Variants in MAST2 observed in about 807,000 individuals in gnomAD.
MAST2 encodes microtubule-associated serine/threonine-protein kinase 2.
Under a neutral mutation model 147.4 loss-of-function variants are expected in MAST2, and 70 were observed. That is an observed-to-expected ratio of 0.47 (90% CI 0.39 to 0.58). The LOEUF (loss-of-function observed/expected upper bound fraction) is 0.58. Among genes scored for constraint, MAST2 ranks in the 20% least tolerant of loss-of-function variants. The pLI, the probability that MAST2 is intolerant of heterozygous loss-of-function variation, is 0.00. For synonymous variants in MAST2, 869 were observed against 896.8 expected (o/e 0.97, Z 0.55); for missense variants, 2,080 against 2,302.3 (o/e 0.90, Z 1.98).
chr1:45,947,398 T>G (rs578041668), intron 4 of MAST2, among the ~76,000 whole-genome samples: 2 of 151,998 alleles, frequency 1.3e-5, no homozygotes, highest in South Asian at 2.1e-4. Context: ...AAAGCTGTCC[T>G]GGACTGCATG....
Position 46,029,978 on chromosome 1 carries a change from G to A in MAST2, c.2443+25G>A, listed in dbSNP as rs760837391. On this transcript the variant is annotated intron_variant, in intron 20 of 28. Transcript: ENST00000361297. Reference sequence around the variant, plus strand: ...AGTAAGGCCACCGATGGGTGGGGTGGAGGATGGGTCCTACCTGTTTGCCTA... The same window carrying A: ...AGTAAGGCCACCGATGGGTGGGGTGAAGGATGGGTCCTACCTGTTTGCCTA... 6 of 1,613,582 alleles carry A rather than the reference G, an allele frequency of 3.7e-6. No individual in the cohort carries two copies. In the Admixed American group the frequency reaches 1.0e-4, roughly 27 times the overall value.
At chr1:45,916,125 C>T (rs1263020324) in intron 4 of MAST2, among the ~76,000 whole-genome samples, 1 of 152,106 alleles carries the variant, frequency 6.6e-6, no homozygotes, top group African/African-American at 2.4e-5. Flanking sequence ...AACTGAAGAC[C>T]ACTAGAGTGA....
chr1:46,016,505 A>G (rs1169548121), intron 10 of MAST2, among the ~76,000 whole-genome samples: 1 of 152,058 alleles, frequency 6.6e-6, no homozygotes, highest in East Asian at 1.9e-4. Context: ...AAATCAATGT[A>G]CAAAAATCAC....
chr1:45,970,667 C>CAAAAAAA (rs754544108), intron 5 of MAST2, among the ~76,000 whole-genome samples: 6,312 of 72,176 alleles, frequency 0.087, 543 homozygotes, highest in Non-Finnish European at 0.11. Context: ...GACTCTGTCT[C>CAAAAAAA]AAAAAAAAAA....
chr1:45,871,359 C>A (rs1646386800), intron 3 of MAST2, among the ~76,000 whole-genome samples: 1 of 152,060 alleles, frequency 6.6e-6, no homozygotes, highest in African/African-American at 2.4e-5. Flanking sequence ...TTATTACCTC[C>A]CCCAAACTTA....
intron 5 of MAST2, among the ~76,000 whole-genome samples, chr1:45,980,709 A>T (rs2149054728): frequency 6.6e-6 from 1 of 152,002 alleles, no homozygotes; most frequent in East Asian, 1.9e-4. Flanking sequence ...TAATTTTTTA[A>T]TTTTTTTGTA....
At chr1:45,804,109 T>C (rs1477356236) in intron 1 of MAST2, 37 bp downstream of exon 1, 2 of 1,231,134 alleles carry the variant, frequency 1.6e-6, no homozygotes, top group Non-Finnish European at 1.0e-6. Flanking sequence ...TGAACCTGAA[T>C]GGAAGCCGTG....
intron 3 of MAST2, among the ~76,000 whole-genome samples, chr1:45,844,641 G>A (rs1415538426): frequency 6.6e-6 from 1 of 151,972 alleles, no homozygotes; most frequent in African/African-American, 2.4e-5. Flanking sequence ...TCCCAGTTTG[G>A]TCTCGAACCC....
intron 3 of MAST2, among the ~76,000 whole-genome samples, chr1:45,876,935 C>G (rs1245638229): frequency 6.6e-6 from 1 of 152,206 alleles, no homozygotes; most frequent in African/African-American, 2.4e-5. Context: ...TTAAACTATT[C>G]AAGAAGTCAG....
At position 46,019,713 on chromosome 1, in the gene MAST2, G is replaced by A; in HGVS notation, c.1290+16G>A. The A allele has an allele frequency of 2.5e-6, 4 of 1,610,442 alleles. No homozygotes were observed. Among genetic ancestry groups the A allele is most frequent in the Non-Finnish European group, 3.4e-6 (4 of 1,176,630 alleles). On this transcript the variant is annotated intron_variant, in intron 11 of 28. Transcript: ENST00000361297. ...GGAATGCCTGGTGAGTGGACTCTAG[G>A]AAAGTCAGGTGGGCAGATTTAGAGG...
At chr1:45,818,015 CGTT>C (rs1320314807) in intron 1 of MAST2, among the ~76,000 whole-genome samples, 1 of 152,108 alleles carries the variant, frequency 6.6e-6, no homozygotes, top group African/African-American at 2.4e-5. Flanking sequence ...CTCTGCAAAA[CGTT>C]GTCGAGATGC....
At chr1:45,910,332 G>A (rs1651485069) in intron 4 of MAST2, among the ~76,000 whole-genome samples, 1 of 151,830 alleles carries the variant, frequency 6.6e-6, no homozygotes, top group Non-Finnish European at 1.5e-5. Flanking sequence ...AAAAATGGAA[G>A]TTTTTTATTC....
chr1:45,878,747 T>TA (rs773689071), intron 3 of MAST2, among the ~76,000 whole-genome samples: 7 of 152,162 alleles, frequency 4.6e-5, no homozygotes, highest in Admixed American at 1.3e-4. Flanking sequence ...ATAATAGCTT[T>TA]AAAAAATCTA....
chr1:46,008,689 T>G (rs969770450), intron 9 of MAST2, among the ~76,000 whole-genome samples: 10 of 152,218 alleles, frequency 6.6e-5, no homozygotes, highest in Admixed American at 1.3e-4. Flanking sequence ...AAGAAAGAAC[T>G]GGAGGCTTTA....
In MAST2 at chr1:46,010,882, C is replaced by T. The variant is rs1645685923; in HGVS notation, c.1131C>T (p.Leu377=). The T allele has an allele frequency of 1.2e-6, 2 of 1,614,172 alleles. No homozygotes were observed. Among genetic ancestry groups the T allele is most frequent in the East Asian group, 2.2e-5 (1 of 44,876 alleles). ...RDCLDKSRSG[L]ITSQYFYELQ... ...GCCTGGATAAATCTCGGAGTGGCCT[C>T]ATTACATCACAATACTTCTACGAAC... The change falls in exon 10 of 29, where the codon CTC becomes CTT. Residue 377 remains leucine, a synonymous_variant. Coordinates refer to ENST00000361297, the MANE Select transcript of MAST2 (RefSeq NM_015112.3).
chr1:45,963,317 T>C (rs1348013240), intron 5 of MAST2, among the ~76,000 whole-genome samples: 1 of 152,220 alleles, frequency 6.6e-6, no homozygotes, highest in Non-Finnish European at 1.5e-5. Context: ...CCTGGTAGCT[T>C]GATGGGGGTG....
In MAST2 at chr1:45,827,432, A is replaced by G. The variant is rs772209177; in HGVS notation, c.326-2007A>G. ...GTACAGAGTCAAATAGGTTTCTTCT[A>G]CAGTGTGTAAGCCTCTTTCCCAACA... On this transcript the variant is annotated intron_variant, in intron 2 of 28. Transcript: ENST00000361297. Among the ~76,000 whole-genome samples the G allele has an allele frequency of 3.2e-4, 48 of 152,280 alleles. 1 individual carries two copies. In the Middle Eastern group the frequency reaches 0.034, roughly 108 times the overall value.
chr1:45,971,514 G>A (rs532086525), intron 5 of MAST2, among the ~76,000 whole-genome samples: 2 of 152,292 alleles, frequency 1.3e-5, no homozygotes, highest in South Asian at 2.1e-4. Flanking sequence ...ACATATCCAC[G>A]TTCCCACACC....
intron 5 of MAST2, among the ~76,000 whole-genome samples, chr1:45,966,961 G>GAATA (rs1661315712): frequency 6.7e-6 from 1 of 149,490 alleles, no homozygotes; most frequent in East Asian, 2.0e-4. Context: ...TGAGCTCTTA[G>GAATA]GCTCCCAGAT....
Sources: allele counts gnomAD v4.1 joint callset (sites outside exome capture counted in the v4.1 genomes callset), GRCh38; gene constraint gnomAD v4.1.1; transcripts MANE v1.5; gene names NCBI Gene and HGNC (gene_info 2026-07-23, HGNC 2026-07-21).